TCN2: variants seen among roughly 807,000 people sequenced by gnomAD.
The protein encoded by TCN2 is transcobalamin 2.
TCN2 carries 34 observed loss-of-function variants against 48.6 expected under a neutral mutation model. The observed-to-expected ratio is 0.70, with a 90% CI of 0.53 to 0.93. The LOEUF (loss-of-function observed/expected upper bound fraction) is 0.93, where lower values mean the gene tolerates loss of function less well. Ranked by LOEUF, TCN2 falls within the 40% of genes least tolerant of loss-of-function variation. TCN2 has a pLI of 0.00. For missense variants in TCN2, 652 were observed against 526.1 expected, an observed-to-expected ratio of 1.24 and a Z score of -2.34; for synonymous variants, 283 against 212.5, an observed-to-expected ratio of 1.33 and a Z score of -2.89.
At chr22:30,615,190 C>G in intron 4 of TCN2, 111 bp from the exon 5 acceptor site, 1 of 1,190,576 alleles carries the variant, frequency 8.4e-7, no homozygotes, top group Middle Eastern at 2.1e-4. Flanking sequence ...CCCTTCTTCT[C>G]CAAGCCCTCC....
chr22:30,625,690 C>T lies in TCN2; in HGVS notation c.1223-770C>T, dbSNP rs189049121. ...TGTTGCATAGGCTGGTCTCGAACTT[C>T]TGAACTCAAGTGATCTGCCTGCCTT... On this transcript the variant is annotated intron_variant, in intron 8 of 8. Coordinates refer to ENST00000215838, the MANE Select transcript of TCN2 (RefSeq NM_000355.4). Among the ~76,000 whole-genome samples the T allele has an allele frequency of 4.9e-3, 742 of 152,260 alleles. 6 individuals carry two copies. The highest frequency in any genetic ancestry group is 0.026 in the South Asian group (125 of 4,826).
rs757600574 is a variant in TCN2 at position 30,615,608 on chromosome 22, T to C, written c.761T>C (p.Met254Thr). 2.5e-6 allele frequency: 4 copies of C among 1,614,020 alleles called. No individual in the cohort carries two copies. Among genetic ancestry groups the C allele is most frequent in the African/African-American group, 1.3e-5 (1 of 74,930 alleles). The change falls in exon 6 of 9, where the codon ATG becomes ACG. Residue 254 changes from methionine to threonine, a missense_variant. By Grantham distance (81) the Met-to-Thr change is moderately conservative. Transcript: ENST00000215838. ...YSTPLALQFL[M>T]TSPMRGAELG... ...TCCTCACTCTATCACCAGTTCCTCATGACTTCCCCCATGCGTGGGGCAGAA... is the reference window on the plus strand; with the variant it reads ...TCCTCACTCTATCACCAGTTCCTCACGACTTCCCCCATGCGTGGGGCAGAA...
intron 7 of TCN2, among the ~76,000 whole-genome samples, chr22:30,619,708 C>T (rs2087668946): frequency 6.6e-6 from 1 of 152,164 alleles, no homozygotes. Flanking sequence ...CCAGGGAGGG[C>T]CCACAGTTGG....
intron 3 of TCN2, among the ~76,000 whole-genome samples, chr22:30,613,669 T>C (rs2087572186): frequency 6.6e-6 from 1 of 152,160 alleles, no homozygotes; most frequent in Non-Finnish European, 1.5e-5. Flanking sequence ...ACTTACGCCA[T>C]AGTCTGTCTC....
intron 8 of TCN2, among the ~76,000 whole-genome samples, chr22:30,625,303 C>G (rs1458904327): frequency 6.6e-6 from 1 of 152,098 alleles, no homozygotes; most frequent in Non-Finnish European, 1.5e-5. Context: ...CTGACAGATT[C>G]AGTGTCTGAT....
rs754003323 is a variant in TCN2 at position 30,626,440 on chromosome 22, T to C, written c.1223-20T>C. On this transcript the variant is annotated intron_variant, in intron 8 of 8. Transcript: ENST00000215838. ...ATATTCTGCCCAATTCGCCCCTCCT[T>C]GCTCAATCTGTTTCTGCAGGTATTG... 3.7e-6 allele frequency: 6 copies of C among 1,614,096 alleles called. No individual in the cohort carries two copies. The Admixed American group carries it at 1.0e-4, about 27-fold the overall frequency.
chr22:30,611,118 A>G, intron 2 of TCN2, 55 bp downstream of exon 2: 2 of 1,611,740 alleles, frequency 1.2e-6, no homozygotes, highest in East Asian at 2.2e-5. Flanking sequence ...GAGATGGGAA[A>G]CTTGGGTACT....
chr22:30,626,579 C>T lies in TCN2; in HGVS notation c.*58C>T. Reference sequence around the variant, plus strand: ...CACTCCCTAGGCTTCTACCCTCCCTCCTGATGTCCCTGGAACAGGAACTCG... The same window carrying T: ...CACTCCCTAGGCTTCTACCCTCCCTTCTGATGTCCCTGGAACAGGAACTCG... On this transcript the variant is annotated 3_prime_UTR_variant, in exon 9 of 9. Coordinates refer to ENST00000215838, the MANE Select transcript of TCN2 (RefSeq NM_000355.4). 1 of 1,591,304 alleles carries T rather than the reference C, an allele frequency of 6.3e-7. No homozygotes were observed. Among genetic ancestry groups the T allele is most frequent in the South Asian group, 1.1e-5 (1 of 90,212 alleles).
Position 30,615,613 on chromosome 22 carries a change from T to A in TCN2, c.766T>A (p.Ser256Thr). 3 of 1,614,014 alleles carry A rather than the reference T, an allele frequency of 1.9e-6. No homozygotes were observed. The East Asian group carries it at 6.7e-5, about 36-fold the overall frequency. Reference sequence around the variant, plus strand: ...ACTCTATCACCAGTTCCTCATGACTTCCCCCATGCGTGGGGCAGAACTGGG... The same window carrying A: ...ACTCTATCACCAGTTCCTCATGACTACCCCCATGCGTGGGGCAGAACTGGG... ...TPLALQFLMT[S>T]PMRGAELGTA... The change falls in exon 6 of 9, where the codon TCC (serine) becomes ACC (threonine). Residue 256 changes from serine to threonine, a missense_variant. By Grantham distance (58) the Ser-to-Thr change is moderately conservative. Transcript: ENST00000215838.
In TCN2 at chr22:30,623,855, T is replaced by G. The variant is rs1271048785; in HGVS notation, c.1222+772T>G. On this transcript the variant is annotated intron_variant, in intron 8 of 8. Transcript: ENST00000215838. ...ACATATACACACACATACATACACA[T>G]ACATACACACATATATACACACATA... 3.6e-5 allele frequency among the ~76,000 whole-genome samples: 2 copies of G among 56,288 alleles called. 1 individual carries two copies. The highest frequency in any genetic ancestry group is 6.0e-5 in the Non-Finnish European group (2 of 33,086). 36.9% of individuals were successfully genotyped at this position (56,288 alleles called of 152,430 possible). A position where few individuals can be genotyped will look rare whatever the true frequency, so the allele number is the denominator to read the frequency against.
At chr22:30,619,525 G>A (rs1202193940) in intron 7 of TCN2, among the ~76,000 whole-genome samples, 3 of 152,202 alleles carry the variant, frequency 2.0e-5, no homozygotes, top group Admixed American at 1.3e-4. Flanking sequence ...TTGTTTGACA[G>A]GTCCTGTCCA....
intron 2 of TCN2, among the ~76,000 whole-genome samples, chr22:30,611,499 ACTGAG>A (rs1409994853): frequency 2.0e-5 from 3 of 152,112 alleles, no homozygotes; most frequent in African/African-American, 7.2e-5. Flanking sequence ...ATTCTTTCAT[ACTGAG>A]CCCAGAAGCA....
Position 30,613,048 on chromosome 22 carries a change from C to A in TCN2, c.427+6C>A. The A allele has an allele frequency of 1.9e-6, 3 of 1,613,722 alleles. No homozygotes were observed. The highest frequency in any genetic ancestry group is 2.5e-6 in the Non-Finnish European group (3 of 1,179,838). On this transcript the variant is annotated splice_donor_region_variant and intron_variant, in intron 3 of 8. Coordinates refer to ENST00000215838, the MANE Select transcript of TCN2 (RefSeq NM_000355.4). ...GGATGAGAAGAGAGCCATTGGTGAG[C>A]AGACACCATCCGCTGGGGGTGGGGA...
intron 7 of TCN2, 120 bp from the exon 8 acceptor site, chr22:30,622,848 G>C: frequency 9.6e-7 from 1 of 1,042,046 alleles, no homozygotes. Context: ...CCTGGGAAGG[G>C]TTTGACGAGT....
rs532740835 is a variant in TCN2, at chr22:30,622,764, G to T, written c.1107-204G>T. 1.2e-4 allele frequency among the ~76,000 whole-genome samples: 19 copies of T among 152,354 alleles called. No homozygotes were observed. The South Asian group carries it at 3.9e-3, about 32-fold the overall frequency. ...TCATGGTCAGCGTGGAGAGGATGAA[G>T]CCTGAGCAGGCAGGATCGGGGGTCT... is the stretch of plus-strand genomic sequence containing the variant. On this transcript the variant is annotated intron_variant, in intron 7 of 8. Transcript: ENST00000215838.
Position 30,626,625 on chromosome 22 carries a change from C to T in TCN2, c.*104C>T, listed in dbSNP as rs753307631. ...ACTCGCCTGACCCTGCTGCCACCTC[C>T]TGTGCACTTTGAGCAATGCCCCCTG... On this transcript the variant is annotated 3_prime_UTR_variant, in exon 9 of 9. Coordinates refer to ENST00000215838, the MANE Select transcript of TCN2 (RefSeq NM_000355.4). The T allele has an allele frequency of 3.0e-5, 40 of 1,321,168 alleles. No individual in the cohort carries two copies. The highest frequency in any genetic ancestry group is 4.0e-5 in the Non-Finnish European group (37 of 928,738). 81.8% of individuals were successfully genotyped at this position (1,321,168 alleles called of 1,614,324 possible).
intron 1 of TCN2, chr22:30,610,468 C>T (rs2087519939): frequency 2.7e-6 from 1 of 373,622 alleles, no homozygotes; most frequent in Non-Finnish European, 5.2e-6. Context: ...CATGACACGA[C>T]TTTGAACTTC....
At chr22:30,610,795 G>A in intron 1 of TCN2, 76 bp from the exon 2 acceptor site, 3 of 1,511,842 alleles carry the variant, frequency 2.0e-6, no homozygotes, top group Admixed American at 1.7e-5. Context: ...TCTGGAGAAG[G>A]CCCTGGTAAC....
At chr22:30,608,639 G>C (rs9609017) in intron 1 of TCN2, among the ~76,000 whole-genome samples, 100,313 of 152,054 alleles carry the variant, frequency 0.66, 34,876 homozygotes, top group African/African-American at 0.87. Flanking sequence ...AAACTCTTGC[G>C]TCGGCCTCCC....
Sources: gnomAD v4.1 joint callset for allele counts (sites outside exome capture counted in the v4.1 genomes callset) on GRCh38, gnomAD v4.1.1 for gene constraint, MANE v1.5 for transcripts, NCBI Gene and HGNC (gene_info 2026-07-23, HGNC 2026-07-21) for gene names.